The following DGKI variants were observed in gnomAD, a reference collection of about 807,000 sequenced individuals.
DGKI encodes the protein DAG kinase iota.
Under a neutral mutation model 147.5 loss-of-function variants are expected in DGKI, and 55 were observed. The observed-to-expected ratio is 0.37, with a 90% CI of 0.30 to 0.47. The LOEUF (loss-of-function observed/expected upper bound fraction) is 0.47. DGKI is among the 20% of genes least tolerant of loss of function. The pLI is 1.00. For synonymous variants in DGKI, 469 were observed against 477.1 expected (o/e 0.98, Z 0.22); for missense variants, 1,007 against 1,323.8 (o/e 0.76, Z 3.71).
intron 1 of DGKI, among the ~76,000 whole-genome samples, chr7:137,727,767 A>G (rs549752606): frequency 1.3e-5 from 2 of 152,144 alleles, no homozygotes; most frequent in South Asian, 4.2e-4. Context: ...CATGAGAAAA[A>G]CTCCATGTAA....
intron 3 of DGKI, among the ~76,000 whole-genome samples, chr7:137,659,022 A>AAT (rs1307213672): frequency 1.3e-5 from 2 of 152,232 alleles, no homozygotes; most frequent in Admixed American, 1.3e-4. Context: ...TTTGAGGCAG[A>AAT]ATATATAAAC....
intron 1 of DGKI, among the ~76,000 whole-genome samples, chr7:137,758,578 C>T (rs557689297): frequency 1.1e-3 from 167 of 152,042 alleles, no homozygotes; most frequent in African/African-American, 3.7e-3. Flanking sequence ...CCCAGCTACT[C>T]GGGAGGCTGA....
chr7:137,454,978 C>T (rs1585130393), intron 27 of DGKI: 1 of 151,994 alleles, frequency 6.6e-6, no homozygotes, highest in Non-Finnish European at 1.5e-5. Context: ...GCACGTGGGG[C>T]TTATAAGCAA....
chr7:137,526,199 CA>C (rs1351702271), intron 20 of DGKI, among the ~76,000 whole-genome samples: 1 of 152,032 alleles, frequency 6.6e-6, no homozygotes, highest in African/African-American at 2.4e-5. Flanking sequence ...GTTAGTAGAG[CA>C]AAGAAGAGAC....
intron 27 of DGKI, among the ~76,000 whole-genome samples, chr7:137,446,201 T>A (rs941720722): frequency 6.6e-6 from 1 of 152,224 alleles, no homozygotes; most frequent in East Asian, 1.9e-4. Context: ...AAAGCCCTGA[T>A]ATTAAATCTG....
intron 1 of DGKI, among the ~76,000 whole-genome samples, chr7:137,786,513 G>C (rs1403298824): frequency 1.3e-5 from 2 of 152,030 alleles, no homozygotes; most frequent in African/African-American, 4.8e-5. Flanking sequence ...TGAGTGGGTA[G>C]AATCAATATT....
In DGKI at chr7:137,620,012, TACAC is replaced by T. The variant is rs1402816608; in HGVS notation, c.877-76_877-73del. On this transcript the variant is annotated intron_variant, in intron 7 of 32. Coordinates refer to ENST00000614521, the MANE Select transcript of DGKI (RefSeq NM_001321708.2). ...GCTGCAGCAAGAAGGGATAAATATG[TACAC>T]ACGCACACACACACACACACACACA... The T allele has an allele frequency of 4.2e-6, 3 of 715,016 alleles. No individual in the cohort carries two copies. In the African/African-American group the frequency reaches 6.8e-5, roughly 16 times the overall value. 44.3% of individuals were successfully genotyped at this position (715,016 alleles called of 1,614,324 possible). A position where few individuals can be genotyped will look rare whatever the true frequency, so the allele number is the denominator to read the frequency against.
chr7:137,415,275 T>G (rs74561375), intron 28 of DGKI, among the ~76,000 whole-genome samples: 1 of 152,040 alleles, frequency 6.6e-6, no homozygotes, highest in Non-Finnish European at 1.5e-5. Flanking sequence ...AAAATAATAA[T>G]AATGATACAA....
At chr7:137,453,183 G>C (rs1437624679) in intron 27 of DGKI, 1 of 152,150 alleles carries the variant, frequency 6.6e-6, no homozygotes, top group Non-Finnish European at 1.5e-5. Context: ...GTGAGCAAAG[G>C]TATGATTTAC....
At chr7:137,759,624 A>G (rs1004662990) in intron 1 of DGKI, among the ~76,000 whole-genome samples, 2 of 152,194 alleles carry the variant, frequency 1.3e-5, no homozygotes, top group African/African-American at 4.8e-5. Flanking sequence ...TTACAGGCGT[A>G]AGCCACCATG....
At chr7:137,638,392 T>C (rs1821407452) in intron 6 of DGKI, among the ~76,000 whole-genome samples, 1 of 144,562 alleles carries the variant, frequency 6.9e-6, no homozygotes, top group Non-Finnish European at 1.5e-5. Flanking sequence ...TTTTTGCCCT[T>C]TTATGAATTT....
At chr7:137,844,544 A>G (rs1798654123) in intron 1 of DGKI, among the ~76,000 whole-genome samples, 1 of 152,226 alleles carries the variant, frequency 6.6e-6, no homozygotes, top group Non-Finnish European at 1.5e-5. Context: ...TGGAGACTGT[A>G]AAGCTTTATT....
At chr7:137,455,396 A>G (rs1814152924) in intron 27 of DGKI, among the ~76,000 whole-genome samples, 1 of 152,156 alleles carries the variant, frequency 6.6e-6, no homozygotes, top group South Asian at 2.1e-4. Flanking sequence ...AATGGGCTCG[A>G]CAGACTGTGA....
chr7:137,559,861 T>C lies in DGKI; in HGVS notation c.1948-7293A>G, dbSNP rs558002063. On this transcript the variant is annotated intron_variant, in intron 19 of 32. Coordinates refer to ENST00000614521, the MANE Select transcript of DGKI (RefSeq NM_001321708.2). ...ACAATCATTCCTCTAAAATCTGCAA[T>C]ATTCTGGCAGTATAGTGACAGAATC... 2.0e-5 allele frequency among the ~76,000 whole-genome samples: 3 copies of C among 152,328 alleles called. No homozygotes were observed. The South Asian group carries it at 6.2e-4, about 32-fold the overall frequency.
chr7:137,709,967 A>T (rs1358571352), intron 1 of DGKI, among the ~76,000 whole-genome samples: 1 of 151,990 alleles, frequency 6.6e-6, no homozygotes, highest in Non-Finnish European at 1.5e-5. Flanking sequence ...AGAAACAGAA[A>T]AAATAGTAAA....
chr7:137,384,793 G>A lies in DGKI; in HGVS notation c.*6427C>T, dbSNP rs1036067261. On this transcript the variant is annotated 3_prime_UTR_variant, in exon 33 of 33. Coordinates refer to ENST00000614521, the MANE Select transcript of DGKI (RefSeq NM_001321708.2). ...AAACTATATGTGTGTTTCACTAAAG[G>A]TCTGAGGGAAAAGATAATTTCAGTA... 2 of 152,006 alleles carry A rather than the reference G, an allele frequency of 1.3e-5. No homozygotes were observed. Among genetic ancestry groups the A allele is most frequent in the African/African-American group, 4.8e-5 (2 of 41,406 alleles). 9.4% of individuals were successfully genotyped at this position (152,006 alleles called of 1,614,324 possible).
At chr7:137,395,540 C>T in intron 32 of DGKI, 58 bp downstream of exon 32, 3 of 1,523,416 alleles carry the variant, frequency 2.0e-6, no homozygotes, top group Non-Finnish European at 2.7e-6. Context: ...CAAGCAAAGG[C>T]AACAGCGCCT....
chr7:137,680,122 T>C (rs1162545573), intron 2 of DGKI, among the ~76,000 whole-genome samples: 1 of 152,006 alleles, frequency 6.6e-6, no homozygotes, highest in Non-Finnish European at 1.5e-5. Context: ...AGTGTCCTTA[T>C]AGAAGAGACA....
intron 3 of DGKI, among the ~76,000 whole-genome samples, chr7:137,672,383 G>T (rs1357784845): frequency 6.6e-6 from 1 of 152,188 alleles, no homozygotes; most frequent in African/African-American, 2.4e-5. Context: ...CACCCCAAAA[G>T]GTTGTTGTTA....
Sources: gnomAD v4.1 joint callset for allele counts (sites outside exome capture counted in the v4.1 genomes callset) on GRCh38, gnomAD v4.1.1 for gene constraint, MANE v1.5 for transcripts, NCBI Gene and HGNC (gene_info 2026-07-23, HGNC 2026-07-21) for gene names.